Variants in GALNT14 observed in about 807,000 individuals in gnomAD.
GALNT14 encodes polypeptide N-acetylgalactosaminyltransferase 14.
GALNT14 carries 60 observed loss-of-function variants against 77.5 expected under a neutral mutation model. That is an observed-to-expected ratio of 0.77 (90% CI 0.63 to 0.96). The LOEUF (loss-of-function observed/expected upper bound fraction) is 0.96, where lower values mean the gene tolerates loss of function less well. GALNT14 is among the 40% of genes least tolerant of loss of function. The probability of loss-of-function intolerance (pLI) is 0.00; values close to 1 mark genes in which losing one functional copy is unlikely to be tolerated. For synonymous variants in GALNT14, 280 were observed against 281.7 expected (o/e 0.99, Z 0.06); for missense variants, 710 against 731.0 (o/e 0.97, Z 0.33).
intron 1 of GALNT14, among the ~76,000 whole-genome samples, chr2:31,001,156 C>A (rs1029813276): frequency 3.3e-5 from 5 of 152,034 alleles, no homozygotes; most frequent in African/African-American, 1.2e-4. Context: ...TACCTGATAC[C>A]CCTCAGAGTG....
chr2:30,904,402 C>T, the GALNT14 span, among the ~76,000 whole-genome samples: 5 of 152,218 alleles, frequency 3.3e-5, no homozygotes, highest in Admixed American at 6.5e-5. Flanking sequence ...ACTTGGGAAG[C>T]GCAAGGGTTC....
chr2:30,913,480 G>A (rs187719048), intron 13 of GALNT14, among the ~76,000 whole-genome samples: 3 of 152,260 alleles, frequency 2.0e-5, no homozygotes, highest in Admixed American at 6.5e-5. Flanking sequence ...TCTGTCTCTC[G>A]TTCTCCATCT....
intron 10 of GALNT14, 58 bp from the exon 11 acceptor site, chr2:30,929,545 G>C: frequency 7.7e-7 from 1 of 1,295,834 alleles, no homozygotes; most frequent in Non-Finnish European, 1.1e-6. Flanking sequence ...GAGGCCCTGT[G>C]AGTGCCAGTT....
chr2:30,970,920 A>G (rs1336539032), intron 2 of GALNT14, among the ~76,000 whole-genome samples: 1 of 152,162 alleles, frequency 6.6e-6, no homozygotes, highest in Non-Finnish European at 1.5e-5. Flanking sequence ...AAGGCTCAGA[A>G]TCTCGCTCAA....
At chr2:30,975,795 G>A (rs1007137659) in intron 2 of GALNT14, among the ~76,000 whole-genome samples, 2 of 152,146 alleles carry the variant, frequency 1.3e-5, no homozygotes, top group Non-Finnish European at 2.9e-5. Flanking sequence ...TATAGAGACA[G>A]TAATTAAGTT....
At chr2:31,041,028 T>C (rs187706094) in intron 1 of GALNT14, among the ~76,000 whole-genome samples, 244 of 152,182 alleles carry the variant, frequency 1.6e-3, no homozygotes, top group Middle Eastern at 6.8e-3. Context: ...GTGGGGACTG[T>C]ATGGGAAGGG....
At chr2:31,134,349 G>C (rs1679127501) in intron 1 of GALNT14, among the ~76,000 whole-genome samples, 1 of 152,216 alleles carries the variant, frequency 6.6e-6, no homozygotes, top group Admixed American at 6.5e-5. Flanking sequence ...AGAGGCCTGA[G>C]CAGGAAGAAA....
intron 2 of GALNT14, among the ~76,000 whole-genome samples, chr2:30,967,247 G>GT (rs2148344985): frequency 6.6e-6 from 1 of 152,260 alleles, no homozygotes; most frequent in East Asian, 1.9e-4. Flanking sequence ...CTCTGAAATT[G>GT]TTTGCAAACT....
At chr2:31,070,906 C>A (rs1465229874) in intron 1 of GALNT14, among the ~76,000 whole-genome samples, 1 of 152,146 alleles carries the variant, frequency 6.6e-6, no homozygotes, top group African/African-American at 2.4e-5. Flanking sequence ...CAAACAGGGA[C>A]CAGGGCCTCC....
chr2:31,030,354 G>T (rs536841865), intron 1 of GALNT14, among the ~76,000 whole-genome samples: 1 of 152,042 alleles, frequency 6.6e-6, no homozygotes, highest in African/African-American at 2.4e-5. Context: ...AAAAATCAAG[G>T]CATTTGATTT....
At chr2:31,090,935 A>T (rs2148598595) in intron 1 of GALNT14, among the ~76,000 whole-genome samples, 1 of 152,344 alleles carries the variant, frequency 6.6e-6, no homozygotes, top group South Asian at 2.1e-4. Context: ...ACTAATTCAC[A>T]CTTAAGTTTT....
chr2:30,961,455 C>A (rs1007571470), intron 3 of GALNT14, among the ~76,000 whole-genome samples: 16 of 152,156 alleles, frequency 1.1e-4, no homozygotes, highest in Admixed American at 9.8e-4. Context: ...AAGTACTGAA[C>A]CTTCAGCACT....
intron 1 of GALNT14, among the ~76,000 whole-genome samples, chr2:31,054,016 G>C (rs1040111054): frequency 1.3e-5 from 2 of 152,222 alleles, no homozygotes; most frequent in African/African-American, 2.4e-5. Flanking sequence ...CATTCATTCA[G>C]TCATTCACTC....
intron 1 of GALNT14, among the ~76,000 whole-genome samples, chr2:31,086,220 G>A (rs902506967): frequency 1.3e-4 from 20 of 152,180 alleles, no homozygotes; most frequent in African/African-American, 4.8e-4. Flanking sequence ...CTAAACCTTG[G>A]TCTTCAGGCA....
intron 7 of GALNT14, among the ~76,000 whole-genome samples, chr2:30,945,550 G>A (rs1666639355): frequency 6.6e-6 from 1 of 152,200 alleles, no homozygotes; most frequent in African/African-American, 2.4e-5. Context: ...TAAATGGGGT[G>A]AGCCCTATCT....
At chr2:31,047,568 C>T (rs1306954178) in intron 1 of GALNT14, among the ~76,000 whole-genome samples, 1 of 152,134 alleles carries the variant, frequency 6.6e-6, no homozygotes, top group East Asian at 1.9e-4. Context: ...TTTCTTAGGC[C>T]CCAAGGCATT....
intron 1 of GALNT14, among the ~76,000 whole-genome samples, chr2:31,050,318 C>A (rs376345287): frequency 6.6e-6 from 1 of 152,116 alleles, no homozygotes; most frequent in South Asian, 2.1e-4. Context: ...ACCAAGCGGC[C>A]GAGGCGGCTC....
chr2:31,115,174 C>T (rs898182719), intron 1 of GALNT14, among the ~76,000 whole-genome samples: 2 of 151,958 alleles, frequency 1.3e-5, no homozygotes, highest in Non-Finnish European at 2.9e-5. Context: ...TCACTTGAGC[C>T]CAGGAGGTTG....
At chr2:31,112,413 G>T (rs1376549710) in intron 1 of GALNT14, among the ~76,000 whole-genome samples, 1 of 152,176 alleles carries the variant, frequency 6.6e-6, no homozygotes, top group African/African-American at 2.4e-5. Context: ...CTGTGAAAAT[G>T]CTGCCTAACA....
Sources: allele counts gnomAD v4.1 joint callset (sites outside exome capture counted in the v4.1 genomes callset), GRCh38; gene constraint gnomAD v4.1.1; transcripts MANE v1.5; gene names NCBI Gene and HGNC (gene_info 2026-07-23, HGNC 2026-07-21).